Variants in TMCO6 observed in about 807,000 individuals in gnomAD.
TMCO6 encodes the protein transmembrane and coiled-coil domains 6, also known as transmembrane and coiled-coil domain-containing protein 6.
Under a neutral mutation model 61.8 loss-of-function variants are expected in TMCO6, and 47 were observed. The ratio of observed to expected loss-of-function variants is 0.76; its 90% CI spans 0.60 to 0.97. The LOEUF (loss-of-function observed/expected upper bound fraction) is 0.97. TMCO6 is among the 50% of genes least tolerant of loss of function. TMCO6 has a pLI of 0.00. For synonymous variants in TMCO6, 261 were observed against 254.2 expected (o/e 1.03, Z -0.25); for missense variants, 557 against 601.6 (o/e 0.93, Z 0.78).
At chr5:140,617,947 C>T in the TMCO6 span, among the ~76,000 whole-genome samples, 11 of 152,204 alleles carry the variant, frequency 7.2e-5, no homozygotes, top group South Asian at 1.5e-3. Context: ...GAGCAAAAGG[C>T]TCAGAATAGC....
At chr5:140,612,178 T>C in the TMCO6 span, among the ~76,000 whole-genome samples, 3,185 of 152,224 alleles carry the variant, frequency 0.021, 70 homozygotes, top group Admixed American at 0.058. Flanking sequence ...TGTTTCAGCA[T>C]AAAGTCTGTC....
chr5:140,612,678 A>AC, the TMCO6 span, among the ~76,000 whole-genome samples: 23 of 152,228 alleles, frequency 1.5e-4, no homozygotes, highest in African/African-American at 5.3e-4. Flanking sequence ...GATGCCCTGC[A>AC]CCCCGACCTC....
upstream of TMCO6, among the ~76,000 whole-genome samples, chr5:140,638,550 TTTC>T (rs372673323): frequency 1.9e-3 from 239 of 129,188 alleles, 1 homozygote; most frequent in African/African-American, 7.6e-3. Flanking sequence ...CCCAGATTTC[TTTC>T]TTTCTTTCTT....
the TMCO6 span, among the ~76,000 whole-genome samples, chr5:140,607,069 T>G: frequency 4.6e-5 from 7 of 152,216 alleles, no homozygotes; most frequent in East Asian, 1.3e-3. Context: ...ATTTTGGCCA[T>G]TTTTAAGTGT....
In TMCO6 at chr5:140,641,693, G is replaced by A. The variant is rs372158124; in HGVS notation, c.227G>A (p.Arg76Gln). ...CAGCAGTTCCTGCGGCAAGCCCAGCGGGGGACAGAGGAAAAGGAGAGAGAG... is the reference window on the plus strand; with the variant it reads ...CAGCAGTTCCTGCGGCAAGCCCAGCAGGGGACAGAGGAAAAGGAGAGAGAG... The part of the protein sequence containing the change: ...EVQQFLRQAQ[R>Q]GTEEKEREGA... Residue 76 changes from arginine (R) to glutamine (Q), a missense_variant, in exon 3 of 12, where the codon CGG becomes CAG. Physicochemically the swap from Arg to Gln is conservative, Grantham distance 43. Coordinates refer to ENST00000394671, the MANE Select transcript of TMCO6 (RefSeq NM_018502.5). 121 of 1,613,988 alleles carry A rather than the reference G, an allele frequency of 7.5e-5. No individual in the cohort carries two copies. Among genetic ancestry groups the A allele is most frequent in the Non-Finnish European group, 9.2e-5 (108 of 1,180,028 alleles).
upstream of TMCO6, chr5:140,639,367 C>T (rs1011633284): frequency 4.5e-6 from 3 of 670,894 alleles, no homozygotes; most frequent in African/African-American, 5.6e-5. Flanking sequence ...CGCGAGGCGT[C>T]CACTCGCCGA....
At position 140,639,474 on chromosome 5, in the gene TMCO6, C is replaced by T. The variant is rs1247297563; in HGVS notation, c.-54C>T. The T allele has an allele frequency of 4.6e-6, 7 of 1,517,234 alleles. No homozygotes were observed. The Admixed American group carries it at 7.9e-5, about 17-fold the overall frequency. The allele number at this position is 1,517,234 out of a possible 1,614,324, so 94.0% of individuals were successfully genotyped here. A position where few individuals can be genotyped will look rare whatever the true frequency, so the allele number is the denominator to read the frequency against. On this transcript the variant is annotated 5_prime_UTR_variant, in exon 1 of 12. Coordinates refer to ENST00000394671, the MANE Select transcript of TMCO6 (RefSeq NM_018502.5). Reference sequence around the variant, plus strand: ...GCGCAGTCGGTGCCATCTTCTACGCCCCTGGGAGCGTTGTGGCTGCTGTTT... The same window carrying T: ...GCGCAGTCGGTGCCATCTTCTACGCTCCTGGGAGCGTTGTGGCTGCTGTTT...
intron 4 of TMCO6, 100 bp downstream of exon 4, chr5:140,642,153 G>T: frequency 1.3e-6 from 2 of 1,483,770 alleles, no homozygotes; most frequent in Non-Finnish European, 1.8e-6. Context: ...AAACATGTTT[G>T]CCCTTATGCC....
chr5:140,605,692 A>AACACACACACACACACACACAC, the TMCO6 span, among the ~76,000 whole-genome samples: 1 of 118,582 alleles, frequency 8.4e-6, no homozygotes, highest in Non-Finnish European at 1.8e-5. Flanking sequence ...AAAAAAACAA[A>AACACACACACACACACACACAC]ACACACACAC....
chr5:140,617,792 A>G, the TMCO6 span, among the ~76,000 whole-genome samples: 9 of 152,064 alleles, frequency 5.9e-5, no homozygotes, highest in Admixed American at 2.0e-4. Context: ...GGAAACCACA[A>G]TGAGATACCT....
At chr5:140,641,451 TC>T (rs1757023762) in intron 2 of TMCO6, 1 of 559,350 alleles carries the variant, frequency 1.8e-6, no homozygotes, top group Non-Finnish European at 3.3e-6. Flanking sequence ...TAGGTTCAGG[TC>T]CCATATGGAG....
the TMCO6 span, among the ~76,000 whole-genome samples, chr5:140,597,451 G>T: frequency 6.6e-6 from 1 of 152,182 alleles, no homozygotes; most frequent in African/African-American, 2.4e-5. Flanking sequence ...CCAAAAGCAG[G>T]TGTGGTCTCA....
the TMCO6 span, among the ~76,000 whole-genome samples, chr5:140,628,578 A>G: frequency 6.6e-6 from 1 of 152,090 alleles, no homozygotes; most frequent in Non-Finnish European, 1.5e-5. Context: ...AGCTGGGATT[A>G]CAGGAGCACA....
Position 140,639,509 on chromosome 5 carries a change from T to G in TMCO6, c.-19T>G. 1 of 1,549,270 alleles carries G rather than the reference T, an allele frequency of 6.5e-7. No individual in the cohort carries two copies. Among genetic ancestry groups the G allele is most frequent in the Middle Eastern group, 1.8e-4 (1 of 5,524 alleles). On this transcript the variant is annotated 5_prime_UTR_variant, in exon 1 of 12. Coordinates refer to ENST00000394671, the MANE Select transcript of TMCO6 (RefSeq NM_018502.5). ...GTTGTGGCTGCTGTTTCCTTCGGCT[T>G]TCCTCCTCCTGCTCCACCATGTGGA...
chr5:140,642,586 T>C lies in TMCO6; in HGVS notation c.604T>C (p.Ser202Pro). ...AGATCCTTACCCTGTCTACTTCCAG[T>C]CCCCCCATGTGGCTGTGCTGGAAGC... ...IVPALAACIQ[S>P]PHVAVLEALG... is the part of the protein sequence containing the mutation. The change falls in exon 6 of 12, where the codon TCC becomes CCC. Residue 202 changes from serine to proline, a missense_variant and splice_region_variant. Ser to Pro is a moderately conservative substitution (Grantham distance 74). Transcript: ENST00000394671. 6.2e-7 allele frequency: 1 copy of C among 1,614,038 alleles called. No homozygotes were observed. The highest frequency in any genetic ancestry group is 8.5e-7 in the Non-Finnish European group (1 of 1,179,982).
rs1235037199 is a variant in TMCO6, at chr5:140,643,790, C to T, written c.929C>T (p.Pro310Leu). Residue 310 changes from proline (P) to leucine (L), a missense_variant, in exon 9 of 12, where the codon CCC becomes CTC. Physicochemically the swap from Pro to Leu is moderately conservative, Grantham distance 98. Transcript: ENST00000394671. ...EDAGLELLAC[P>L]VLRCLSNLLT... The stretch of plus-strand genomic sequence containing the variant: ...AATTTGTCTTTGCAGCTGGCATGCC[C>T]CGTGCTTCGATGTCTAAGCAACCTG... 6.2e-7 allele frequency: 1 copy of T among 1,614,024 alleles called. No homozygotes were observed. The highest frequency in any genetic ancestry group is 1.7e-5 in the Admixed American group (1 of 60,014).
At chr5:140,636,887 A>G (rs1250197971), upstream of TMCO6, among the ~76,000 whole-genome samples, 2 of 152,246 alleles carry the variant, frequency 1.3e-5, no homozygotes, top group Non-Finnish European at 2.9e-5. Flanking sequence ...GGTTTCCTGT[A>G]AAAATTCTTA....
the TMCO6 span, among the ~76,000 whole-genome samples, chr5:140,631,134 C>T: frequency 1.2e-4 from 19 of 152,208 alleles, no homozygotes; most frequent in South Asian, 2.9e-3. Flanking sequence ...ATTCAGAGAC[C>T]GACTGTATCT....
At chr5:140,609,663 T>G in the TMCO6 span, among the ~76,000 whole-genome samples, 2 of 107,370 alleles carry the variant, frequency 1.9e-5, no homozygotes, top group East Asian at 5.1e-4. Context: ...AAAAAGAATT[T>G]CATTGAATCT....
Sources: gnomAD v4.1 joint callset for allele counts (sites outside exome capture counted in the v4.1 genomes callset) on GRCh38, gnomAD v4.1.1 for gene constraint, MANE v1.5 for transcripts, NCBI Gene and HGNC (gene_info 2026-07-23, HGNC 2026-07-21) for gene names.